Variants in PLD5 observed in about 807,000 individuals in gnomAD.
PLD5 encodes the protein phospholipase D family member 5.
Under a neutral mutation model 61.1 loss-of-function variants are expected in PLD5, and 36 were observed. The observed-to-expected ratio is 0.59, with a 90% CI of 0.45 to 0.78. The LOEUF (loss-of-function observed/expected upper bound fraction) is 0.78. PLD5 is among the 30% of genes least tolerant of loss of function. The probability of loss-of-function intolerance (pLI) is 0.00; values close to 1 mark genes in which losing one functional copy is unlikely to be tolerated. For missense variants in PLD5, 515 were observed against 644.4 expected (o/e 0.80, Z 2.17); for synonymous variants, 243 against 242.8 (o/e 1.00, Z -0.01).
upstream of PLD5, among the ~76,000 whole-genome samples, chr1:242,527,824 C>CA (rs893570853): frequency 6.6e-6 from 1 of 152,066 alleles, no homozygotes; most frequent in African/African-American, 2.4e-5. Context: ...AATTTTGCAC[C>CA]AAAAATATTA....
At chr1:242,498,423 T>C (rs1668446922) in intron 1 of PLD5, among the ~76,000 whole-genome samples, 1 of 152,152 alleles carries the variant, frequency 6.6e-6, no homozygotes, top group Non-Finnish European at 1.5e-5. Context: ...TCTCTCCCTG[T>C]GAGATGTAGT....
At chr1:242,409,086 G>T (rs1275461154) in intron 1 of PLD5, among the ~76,000 whole-genome samples, 1 of 151,250 alleles carries the variant, frequency 6.6e-6, no homozygotes, top group East Asian at 1.9e-4. Flanking sequence ...GAAAAGAAAA[G>T]AAAAGAAAAG....
chr1:242,379,961 A>G (rs1012696287), intron 1 of PLD5, among the ~76,000 whole-genome samples: 11 of 152,324 alleles, frequency 7.2e-5, no homozygotes, highest in Admixed American at 7.2e-4. Context: ...AATGGGTATT[A>G]ATAAGATTAT....
At chr1:242,091,058 A>G (rs530610662) in intron 9 of PLD5, among the ~76,000 whole-genome samples, 1 of 151,930 alleles carries the variant, frequency 6.6e-6, no homozygotes, top group Non-Finnish European at 1.5e-5. Flanking sequence ...CGACATCTCT[A>G]TGACATTTTC....
chr1:242,089,930 C>T lies in PLD5; in HGVS notation c.1535G>A (p.Ser512Asn). The T allele has an allele frequency of 6.2e-7, 1 of 1,614,162 alleles. No individual in the cohort carries two copies. The highest frequency in any genetic ancestry group is 1.3e-5 in the African/African-American group (1 of 75,030). Residue 512 changes from serine to asparagine, a missense_variant, in exon 10 of 10, where the codon AGC becomes AAC. By Grantham distance (46) the Ser-to-Asn change is conservative. Transcript: ENST00000536534. ...LQPTKQPNCS[S>N]LFKLKPLSNK... ...GGAGAGGGGTTTGAGTTTGAACAGG[C>T]TTGAGCAGTTCGGCTGTTTGGTTGG...
chr1:242,518,512 T>C (rs1669176960), intron 1 of PLD5, among the ~76,000 whole-genome samples: 1 of 152,180 alleles, frequency 6.6e-6, no homozygotes. Flanking sequence ...CATAACTTAT[T>C]ACAACTACTG....
chr1:242,443,719 A>C (rs1279690674), intron 1 of PLD5, among the ~76,000 whole-genome samples: 1 of 152,198 alleles, frequency 6.6e-6, no homozygotes, highest in African/African-American at 2.4e-5. Flanking sequence ...CCACATTTAT[A>C]GGAGGGCATT....
intron 1 of PLD5, among the ~76,000 whole-genome samples, chr1:242,471,778 C>T (rs901759262): frequency 1.3e-5 from 2 of 152,064 alleles, no homozygotes; most frequent in Non-Finnish European, 2.9e-5. Context: ...TTTCCTACAA[C>T]AAAATGTGTT....
the PLD5 span, among the ~76,000 whole-genome samples, chr1:242,530,131 C>T: frequency 5.8e-4 from 88 of 152,252 alleles, 1 homozygote; most frequent in African/African-American, 2.0e-3. Flanking sequence ...CGACCTCAGG[C>T]GATCCACCTG....
chr1:242,140,141 T>C (rs746183630), intron 5 of PLD5, among the ~76,000 whole-genome samples: 3 of 152,190 alleles, frequency 2.0e-5, no homozygotes, highest in African/African-American at 4.8e-5. Context: ...GACCAATGTT[T>C]GACTCCTGCA....
intron 1 of PLD5, among the ~76,000 whole-genome samples, chr1:242,482,049 C>T (rs924181745): frequency 6.6e-6 from 1 of 152,116 alleles, no homozygotes; most frequent in Non-Finnish European, 1.5e-5. Context: ...CACAACAAAA[C>T]CCCATCTGTA....
chr1:242,434,074 C>T (rs188458359), intron 1 of PLD5, among the ~76,000 whole-genome samples: 1 of 152,304 alleles, frequency 6.6e-6, no homozygotes, highest in Admixed American at 6.5e-5. Context: ...CAAGATATAC[C>T]TTTCAGAAGA....
chr1:242,092,533 C>A (rs1659915990), intron 9 of PLD5, among the ~76,000 whole-genome samples: 1 of 152,164 alleles, frequency 6.6e-6, no homozygotes, highest in African/African-American at 2.4e-5. Context: ...CTGATCTAAG[C>A]TCCCAGTTTT....
At chr1:242,444,083 C>A (rs1282835920) in intron 1 of PLD5, among the ~76,000 whole-genome samples, 1 of 152,172 alleles carries the variant, frequency 6.6e-6, no homozygotes, top group African/African-American at 2.4e-5. Context: ...AAGCTTTGCA[C>A]TTCCTGTAGC....
At chr1:242,403,785 CATCTGGTCACAGTGGG>C (rs1270612682) in intron 1 of PLD5, among the ~76,000 whole-genome samples, 1 of 152,150 alleles carries the variant, frequency 6.6e-6, no homozygotes, top group Non-Finnish European at 1.5e-5. Flanking sequence ...GAATGAGCCC[CATCTGGTCACAGTGGG>C]ACCCTCAGTA....
At chr1:242,259,332 A>C (rs1267214213) in intron 4 of PLD5, among the ~76,000 whole-genome samples, 1 of 140,628 alleles carries the variant, frequency 7.1e-6, no homozygotes, top group Non-Finnish European at 1.6e-5. Context: ...CTCTCAAAAA[A>C]AATAAATTAA....
At chr1:242,420,268 A>T (rs1178993135) in intron 1 of PLD5, among the ~76,000 whole-genome samples, 1 of 152,138 alleles carries the variant, frequency 6.6e-6, no homozygotes, top group African/African-American at 2.4e-5. Flanking sequence ...ACAATGACTA[A>T]GCCCAGAATG....
intron 2 of PLD5, among the ~76,000 whole-genome samples, chr1:242,309,411 G>A (rs1283024353): frequency 6.7e-6 from 1 of 148,378 alleles, no homozygotes; most frequent in Non-Finnish European, 1.5e-5. Context: ...TTTTTAAGAT[G>A]GAGTCTCACT....
intron 1 of PLD5, among the ~76,000 whole-genome samples, chr1:242,477,844 G>C (rs980515085): frequency 6.6e-6 from 1 of 152,178 alleles, no homozygotes; most frequent in Admixed American, 6.5e-5. Flanking sequence ...ATTCAACCTT[G>C]GAACAATCTG....
Sources: allele counts gnomAD v4.1 joint callset (sites outside exome capture counted in the v4.1 genomes callset), GRCh38; gene constraint gnomAD v4.1.1; transcripts MANE v1.5; gene names NCBI Gene and HGNC (gene_info 2026-07-23, HGNC 2026-07-21).